ZNF618: variants seen among roughly 807,000 people sequenced by gnomAD.
The protein encoded by ZNF618 is neural precursor cell expressed, developmentally down-regulated 10.
ZNF618 carries 34 observed loss-of-function variants against 103.0 expected under a neutral mutation model. The ratio of observed to expected loss-of-function variants is 0.33; its 90% confidence interval spans 0.25 to 0.44. The LOEUF (loss-of-function observed/expected upper bound fraction) is 0.44. ZNF618 is among the 20% of genes least tolerant of loss of function. ZNF618 has a pLI of 1.00. For synonymous variants in ZNF618, 551 were observed against 542.2 expected (o/e 1.02, Z -0.23); for missense variants, 1,059 against 1,295.4 (o/e 0.82, Z 2.80).
At chr9:113,973,034 G>GCC (rs1838132731) in intron 2 of ZNF618, among the ~76,000 whole-genome samples, 1 of 152,124 alleles carries the variant, frequency 6.6e-6, no homozygotes, top group Non-Finnish European at 1.5e-5. Context: ...CCAAGATCAT[G>GCC]CCACTGCACT....
At chr9:113,895,041 C>T (rs1587961055) in intron 1 of ZNF618, among the ~76,000 whole-genome samples, 1 of 152,098 alleles carries the variant, frequency 6.6e-6, no homozygotes, top group East Asian at 1.9e-4. Context: ...AGGATTCTAG[C>T]GTTTTGTAAT....
intron 1 of ZNF618, among the ~76,000 whole-genome samples, chr9:113,909,761 G>A (rs1044985549): frequency 6.6e-6 from 1 of 151,818 alleles, no homozygotes; most frequent in Non-Finnish European, 1.5e-5. Context: ...CCCGCTCCCC[G>A]ATACTCACAG....
At chr9:114,005,142 G>A (rs965556685) in intron 6 of ZNF618, among the ~76,000 whole-genome samples, 1 of 152,182 alleles carries the variant, frequency 6.6e-6, no homozygotes, top group Non-Finnish European at 1.5e-5. Context: ...GAGGTGCAGA[G>A]GTTAGGCAGC....
intron 13 of ZNF618, 96 bp from the exon 14 acceptor site, chr9:114,047,797 C>A: frequency 9.5e-7 from 1 of 1,049,628 alleles, no homozygotes; most frequent in Non-Finnish European, 1.4e-6. Flanking sequence ...CCAATGGCCA[C>A]ATTCTGCTGT....
At chr9:113,931,319 G>C (rs138876358) in intron 1 of ZNF618, among the ~76,000 whole-genome samples, 28 of 152,364 alleles carry the variant, frequency 1.8e-4, no homozygotes, top group African/African-American at 6.5e-4. Context: ...GGAGCGTGGG[G>C]CAGGAGTGTT....
intron 1 of ZNF618, among the ~76,000 whole-genome samples, chr9:113,939,904 C>T (rs1299636261): frequency 6.6e-6 from 1 of 152,006 alleles, no homozygotes; most frequent in Non-Finnish European, 1.5e-5. Context: ...TCAGTAATTT[C>T]CAAGAACATG....
chr9:113,990,021 C>CTTCTGGTCTT (rs1372287340), intron 3 of ZNF618, among the ~76,000 whole-genome samples: 4 of 152,222 alleles, frequency 2.6e-5, no homozygotes, highest in Non-Finnish European at 5.9e-5. Flanking sequence ...AACCTTCTAG[C>CTTCTGGTCTT]CCCATTTCTT....
At chr9:113,977,071 C>G (rs1265893285) in intron 2 of ZNF618, among the ~76,000 whole-genome samples, 1 of 152,178 alleles carries the variant, frequency 6.6e-6, no homozygotes, top group African/African-American at 2.4e-5. Flanking sequence ...GCTGAGTTCT[C>G]ACTCTGGGGT....
intron 1 of ZNF618, among the ~76,000 whole-genome samples, chr9:113,966,555 C>T (rs767211736): frequency 2.6e-5 from 4 of 152,172 alleles, no homozygotes; most frequent in South Asian, 2.1e-4. Flanking sequence ...CAGACCACAC[C>T]GGCCTGGCGT....
At chr9:113,979,930 T>A (rs1232061091) in intron 2 of ZNF618, among the ~76,000 whole-genome samples, 2 of 151,744 alleles carry the variant, frequency 1.3e-5, no homozygotes, top group Non-Finnish European at 2.9e-5. Context: ...TCCAGGGCAG[T>A]GTATAGGGGA....
intron 2 of ZNF618, among the ~76,000 whole-genome samples, chr9:113,977,287 C>G (rs932188238): frequency 3.3e-5 from 5 of 152,150 alleles, no homozygotes; most frequent in Admixed American, 6.5e-5. Flanking sequence ...GCTTCCTTAT[C>G]CTTTCATTCC....
intron 1 of ZNF618, among the ~76,000 whole-genome samples, chr9:113,896,623 C>G (rs1477121016): frequency 6.6e-6 from 1 of 151,862 alleles, no homozygotes; most frequent in Admixed American, 6.6e-5. Context: ...ATATCATTGA[C>G]TTTATTAATT....
chr9:113,953,661 AT>A (rs1167788737), intron 1 of ZNF618, among the ~76,000 whole-genome samples: 1 of 152,208 alleles, frequency 6.6e-6, no homozygotes, highest in African/African-American at 2.4e-5. Flanking sequence ...GATATAAAAA[AT>A]CACTAAACAA....
chr9:113,972,348 C>G (rs75998569), intron 2 of ZNF618, among the ~76,000 whole-genome samples: 1 of 152,172 alleles, frequency 6.6e-6, no homozygotes, highest in Non-Finnish European at 1.5e-5. Context: ...CATGCCCACC[C>G]TTTATTTATT....
At position 114,050,442 on chromosome 9, in the gene ZNF618, G is replaced by GCA. The variant is rs113819665; in HGVS notation, c.*307_*308dup. ...ATGGCCAGAGAAACTTTGCACACAC[G>GCA]CACACACACACACACACACACACAC... On this transcript the variant is annotated 3_prime_UTR_variant, in exon 15 of 15. Transcript: ENST00000374126. 38,943 of 209,724 alleles carry GCA rather than the reference G, an allele frequency of 0.19. 3,671 individuals carry two copies. Among genetic ancestry groups the GCA allele is most frequent in the Admixed American group, 0.23 (4,009 of 17,534 alleles). 13.0% of individuals were successfully genotyped at this position (209,724 alleles called of 1,614,324 possible). A position where few individuals can be genotyped will look rare whatever the true frequency, so the allele number is the denominator to read the frequency against.
intron 1 of ZNF618, among the ~76,000 whole-genome samples, chr9:113,905,758 G>A (rs558285510): frequency 1.3e-5 from 2 of 152,134 alleles, no homozygotes; most frequent in Admixed American, 6.5e-5. Flanking sequence ...CTCATTCTCC[G>A]CATGATTCTC....
chr9:113,958,803 T>C (rs1412996350), intron 1 of ZNF618, among the ~76,000 whole-genome samples: 1 of 152,118 alleles, frequency 6.6e-6, no homozygotes, highest in African/African-American at 2.4e-5. Context: ...CAGCCAACCC[T>C]CCCTGGACTT....
At chr9:114,044,452 T>G (rs1451125906) in intron 13 of ZNF618, among the ~76,000 whole-genome samples, 1 of 152,222 alleles carries the variant, frequency 6.6e-6, no homozygotes, top group Non-Finnish European at 1.5e-5. Flanking sequence ...AGCCTTGTAG[T>G]ATAGTTCGAA....
intron 9 of ZNF618, among the ~76,000 whole-genome samples, chr9:114,011,854 G>A (rs1842277753): frequency 6.6e-6 from 1 of 152,118 alleles, no homozygotes; most frequent in South Asian, 2.1e-4. Context: ...AAGCCTTGTG[G>A]GTTAACTCGC....
Sources: gnomAD v4.1 joint callset for allele counts (sites outside exome capture counted in the v4.1 genomes callset) on GRCh38, gnomAD v4.1.1 for gene constraint, MANE v1.5 for transcripts, NCBI Gene and HGNC (gene_info 2026-07-23, HGNC 2026-07-21) for gene names.